RBFOX1: variants seen among roughly 807,000 people sequenced by gnomAD.
RBFOX1 encodes RNA binding protein fox-1 homolog 1.
In RBFOX1, 8 loss-of-function variants were observed where a neutral mutation model predicts 57.7. The ratio of observed to expected loss-of-function variants is 0.14; its 90% CI spans 0.08 to 0.25. The LOEUF (loss-of-function observed/expected upper bound fraction) is 0.25. RBFOX1 is among the 10% of genes least tolerant of loss of function. RBFOX1 has a pLI of 1.00. For missense variants in RBFOX1, 611 were observed against 548.5 expected (o/e 1.11, Z -1.14); for synonymous variants, 326 against 222.4 (o/e 1.47, Z -4.15).
At position 7,713,018 on chromosome 16, in the gene RBFOX1, T is replaced by C. The variant is rs1316222544; in HGVS notation, c.*2273T>C. The stretch of plus-strand genomic sequence containing the variant: ...AGTGCCAACCGATGTTGCAGAATCT[T>C]TTGTCTAGGCACTCCAAGATGCCAA... On this transcript the variant is annotated 3_prime_UTR_variant, in exon 16 of 16. Transcript: ENST00000550418. 2.0e-5 allele frequency: 3 copies of C among 152,220 alleles called. No homozygotes were observed. Among genetic ancestry groups the C allele is most frequent in the Non-Finnish European group, 2.9e-5 (2 of 68,044 alleles). 9.4% of individuals were successfully genotyped at this position (152,220 alleles called of 1,614,324 possible). A position where few individuals can be genotyped will look rare whatever the true frequency, so the allele number is the denominator to read the frequency against.
intron 3 of RBFOX1, among the ~76,000 whole-genome samples, chr16:7,046,842 G>A (rs2048143065): frequency 6.6e-6 from 1 of 152,008 alleles, no homozygotes; most frequent in African/African-American, 2.4e-5. Context: ...CTAACCTCAG[G>A]TGATCTGCGA....
intron 1 of RBFOX1, among the ~76,000 whole-genome samples, chr16:5,282,404 G>A (rs1254460838): frequency 6.6e-6 from 1 of 152,198 alleles, no homozygotes; most frequent in Non-Finnish European, 1.5e-5. Context: ...AGTGACTTTG[G>A]AACTGGGAAA....
rs1223770922 is a variant in RBFOX1 at position 5,783,569 on chromosome 16, C to T, written c.319-83734C>T. Among the ~76,000 whole-genome samples the T allele has an allele frequency of 3.3e-5, 5 of 152,304 alleles. No individual in the cohort carries two copies. The East Asian group carries it at 9.6e-4, about 29-fold the overall frequency. On this transcript the variant is annotated intron_variant, in intron 3 of 19. Transcript: ENST00000641259. ...TTCATCGTGGTAAATTCTCTTCCAG[C>T]TCTGACCCATTCATGCTCATATTTT...
At chr16:5,979,043 C>T (rs1394324050) in intron 4 of RBFOX1, among the ~76,000 whole-genome samples, 2 of 152,192 alleles carry the variant, frequency 1.3e-5, no homozygotes, top group African/African-American at 2.4e-5. Context: ...TCCATTTTTG[C>T]AGAACCATGG....
In RBFOX1 at chr16:5,591,875, C is replaced by G. The variant is rs185731006; in HGVS notation, c.259-7027C>G. ...TATACTCATGCAGATGTTTAAACAG[C>G]AGACACTCGAAAAATGGAATCCCTA... On this transcript the variant is annotated intron_variant, in intron 2 of 2. Transcript: ENST00000585867. 1.3e-3 allele frequency among the ~76,000 whole-genome samples: 193 copies of G among 152,268 alleles called. 3 individuals carry two copies. In the East Asian group the frequency reaches 0.026, roughly 20 times the overall value.
intron 4 of RBFOX1, among the ~76,000 whole-genome samples, chr16:7,493,909 G>C (rs911463565): frequency 2.6e-5 from 4 of 152,138 alleles, no homozygotes; most frequent in Non-Finnish European, 5.9e-5. Flanking sequence ...TAGGTGCTTG[G>C]TTTTAGTTTG....
intron 4 of RBFOX1, among the ~76,000 whole-genome samples, chr16:7,284,421 C>G (rs554147861): frequency 6.6e-6 from 1 of 152,326 alleles, no homozygotes; most frequent in African/African-American, 2.4e-5. Context: ...GCCTTGAAAT[C>G]TTGGGCACAA....
At chr16:6,694,093 C>T (rs1044621556) in intron 3 of RBFOX1, among the ~76,000 whole-genome samples, 1 of 152,180 alleles carries the variant, frequency 6.6e-6, no homozygotes, top group East Asian at 1.9e-4. Flanking sequence ...TTCAATAATT[C>T]AACACCCAGG....
intron 2 of RBFOX1, among the ~76,000 whole-genome samples, chr16:6,391,499 G>C (rs1232620115): frequency 1.4e-5 from 2 of 141,784 alleles, no homozygotes; most frequent in Non-Finnish European, 3.0e-5. Context: ...AACAGAACAA[G>C]ACTCCGTCTC....
chr16:6,535,876 A>G (rs1207889154), intron 2 of RBFOX1, among the ~76,000 whole-genome samples: 2 of 152,134 alleles, frequency 1.3e-5, no homozygotes, highest in African/African-American at 2.4e-5. Context: ...GATTTTTTAA[A>G]GTTTATTTTT....
intron 5 of RBFOX1, among the ~76,000 whole-genome samples, chr16:7,519,954 C>T (rs1166507248): frequency 6.6e-6 from 1 of 152,108 alleles, no homozygotes; most frequent in Non-Finnish European, 1.5e-5. Flanking sequence ...GGCGCGATCT[C>T]GGCTCACTGC....
At chr16:5,249,913 T>A (rs894869240) in intron 1 of RBFOX1, among the ~76,000 whole-genome samples, 20 of 151,490 alleles carry the variant, frequency 1.3e-4, no homozygotes, top group African/African-American at 4.9e-4. Context: ...GAGGAGGAGG[T>A]TGCAGTGAGG....
At chr16:6,966,957 T>G (rs915636010) in intron 3 of RBFOX1, among the ~76,000 whole-genome samples, 1 of 151,888 alleles carries the variant, frequency 6.6e-6, no homozygotes, top group African/African-American at 2.4e-5. Context: ...CTATTATCTA[T>G]TTGCCTATAT....
intron 3 of RBFOX1, among the ~76,000 whole-genome samples, chr16:5,818,867 C>T (rs891381183): frequency 6.6e-6 from 1 of 152,132 alleles, no homozygotes; most frequent in South Asian, 2.1e-4. Context: ...TTTTATGTCC[C>T]ATAGTCTGTG....
chr16:5,780,577 A>C (rs1007174680), intron 3 of RBFOX1, among the ~76,000 whole-genome samples: 1 of 152,198 alleles, frequency 6.6e-6, no homozygotes, highest in East Asian at 1.9e-4. Context: ...AAAAAAAATC[A>C]CAGTCCTAAT....
intron 2 of RBFOX1, among the ~76,000 whole-genome samples, chr16:5,491,757 C>A (rs1028872974): frequency 3.9e-5 from 6 of 152,140 alleles, no homozygotes; most frequent in Non-Finnish European, 5.9e-5. Flanking sequence ...GGAGCCTGGC[C>A]CTTAAAGACA....
At chr16:7,696,059 G>T (rs966714260) in intron 14 of RBFOX1, among the ~76,000 whole-genome samples, 3 of 152,172 alleles carry the variant, frequency 2.0e-5, no homozygotes, top group South Asian at 2.1e-4. Context: ...TGCCTTTTAC[G>T]TGGGTCTTGT....
intron 1 of RBFOX1, among the ~76,000 whole-genome samples, chr16:6,257,213 C>G (rs1035330216): frequency 6.6e-6 from 1 of 152,058 alleles, no homozygotes; most frequent in African/African-American, 2.4e-5. Context: ...GAACCCCTCA[C>G]CTAGGTATTA....
intron 3 of RBFOX1, among the ~76,000 whole-genome samples, chr16:5,826,718 A>C (rs537393397): frequency 6.6e-6 from 1 of 152,230 alleles, no homozygotes; most frequent in African/African-American, 2.4e-5. Context: ...CATATTAATT[A>C]AAATCACATC....
Sources: allele counts gnomAD v4.1 joint callset (sites outside exome capture counted in the v4.1 genomes callset), GRCh38; gene constraint gnomAD v4.1.1; transcripts MANE v1.5; gene names NCBI Gene and HGNC (gene_info 2026-07-23, HGNC 2026-07-21).